FBXL7: variants seen among roughly 807,000 people sequenced by gnomAD.
FBXL7 encodes the protein F-box and leucine rich repeat protein 7, also known as F-box/LRR-repeat protein 7.
FBXL7 carries 12 observed loss-of-function variants against 38.3 expected under a neutral mutation model. That is an observed-to-expected ratio of 0.31 (90% confidence interval 0.20 to 0.51). FBXL7 has a LOEUF of 0.51. Among genes scored for constraint, FBXL7 ranks in the 20% least tolerant of loss-of-function variants. The probability of loss-of-function intolerance (pLI) is 0.98; values close to 1 mark genes in which losing one functional copy is unlikely to be tolerated. For missense variants in FBXL7, 567 were observed against 676.4 expected (o/e 0.84, Z 1.79); for synonymous variants, 297 against 300.9 (o/e 0.99, Z 0.13).
intron 2 of FBXL7, among the ~76,000 whole-genome samples, chr5:15,744,946 A>G (rs900201012): frequency 1.3e-5 from 2 of 152,104 alleles, no homozygotes; most frequent in African/African-American, 4.8e-5. Context: ...CGAGAACAAC[A>G]TGAGGGTAAC....
At chr5:15,717,651 A>G (rs1014579768) in intron 2 of FBXL7, among the ~76,000 whole-genome samples, 37 of 152,178 alleles carry the variant, frequency 2.4e-4, no homozygotes, top group African/African-American at 8.7e-4. Flanking sequence ...TTGAGAGCAA[A>G]TGATTATATA....
chr5:15,842,650 G>GTT (rs1178917382), intron 2 of FBXL7, among the ~76,000 whole-genome samples: 6 of 152,148 alleles, frequency 3.9e-5, no homozygotes, highest in Non-Finnish European at 8.8e-5. Flanking sequence ...GTGGGGCCAG[G>GTT]TGGAGATAAT....
intron 1 of FBXL7, among the ~76,000 whole-genome samples, chr5:15,554,148 A>T (rs1738165657): frequency 6.6e-6 from 1 of 152,162 alleles, no homozygotes; most frequent in Non-Finnish European, 1.5e-5. Flanking sequence ...TGAGGGGGCC[A>T]GAGCCTCCTG....
chr5:15,926,139 T>C (rs186923648), intron 2 of FBXL7, among the ~76,000 whole-genome samples: 4 of 152,164 alleles, frequency 2.6e-5, no homozygotes, highest in East Asian at 3.9e-4. Flanking sequence ...GAAAACCCCA[T>C]AGTAAGCTGG....
intron 1 of FBXL7, among the ~76,000 whole-genome samples, chr5:15,554,111 C>T (rs1328401941): frequency 6.6e-6 from 1 of 152,124 alleles, no homozygotes; most frequent in African/African-American, 2.4e-5. Flanking sequence ...GTGTCCATCC[C>T]AGACCCACTC....
intron 1 of FBXL7, among the ~76,000 whole-genome samples, chr5:15,511,633 T>C (rs576951841): frequency 1.3e-5 from 2 of 152,362 alleles, no homozygotes; most frequent in South Asian, 2.1e-4. Flanking sequence ...ATGATTATTT[T>C]TGTGAAATTG....
intron 1 of FBXL7, among the ~76,000 whole-genome samples, chr5:15,522,357 T>A (rs925323058): frequency 2.6e-5 from 4 of 152,214 alleles, no homozygotes; most frequent in Non-Finnish European, 4.4e-5. Context: ...GTGCCCAGTT[T>A]GGTTTATTTG....
rs548706707 is a variant in FBXL7, at chr5:15,756,608, C to T, written c.127+140536C>T. On this transcript the variant is annotated intron_variant, in intron 2 of 3. Coordinates refer to ENST00000504595, the MANE Select transcript of FBXL7 (RefSeq NM_012304.5). The stretch of plus-strand genomic sequence containing the variant: ...GCAAGTAGTTTAAAGCCATATGATT[C>T]GTTTTTATTAGCTGTGCTGTTCTTA... Among the ~76,000 whole-genome samples, 19 of 152,226 alleles carry T rather than the reference C, an allele frequency of 1.2e-4. 1 individual carries two copies. In the Middle Eastern group the frequency reaches 0.014, roughly 109 times the overall value.
At position 15,555,222 on chromosome 5, in the gene FBXL7, A is replaced by G. The variant is rs147289983; in HGVS notation, c.37+54509A>G. On this transcript the variant is annotated intron_variant, in intron 1 of 3. Coordinates refer to ENST00000504595, the MANE Select transcript of FBXL7 (RefSeq NM_012304.5). Reference sequence around the variant, plus strand: ...CACAGACAGACAGACAGACACACACACCCCCCACAGAACATCCAGTTAAAG... The same window carrying G: ...CACAGACAGACAGACAGACACACACGCCCCCCACAGAACATCCAGTTAAAG... Among the ~76,000 whole-genome samples, 513 of 151,980 alleles carry G rather than the reference A, an allele frequency of 3.4e-3. 1 individual carries two copies. The highest frequency in any genetic ancestry group is 0.012 in the African/African-American group (489 of 41,452).
chr5:15,671,569 C>T (rs1405282063), intron 2 of FBXL7, among the ~76,000 whole-genome samples: 1 of 152,076 alleles, frequency 6.6e-6, no homozygotes, highest in Non-Finnish European at 1.5e-5. Context: ...TGATCTTAGC[C>T]GAAAGGCTGA....
chr5:15,807,262 A>G (rs1414629257), intron 2 of FBXL7, among the ~76,000 whole-genome samples: 1 of 152,126 alleles, frequency 6.6e-6, no homozygotes, highest in Non-Finnish European at 1.5e-5. Flanking sequence ...TCTAAACAGT[A>G]AGTAAGATAT....
chr5:15,711,369 G>A (rs985866305), intron 2 of FBXL7, among the ~76,000 whole-genome samples: 1 of 152,168 alleles, frequency 6.6e-6, no homozygotes, highest in Admixed American at 6.5e-5. Context: ...AAGAAATGAA[G>A]ATACCTCCAT....
intron 1 of FBXL7, among the ~76,000 whole-genome samples, chr5:15,612,252 G>C (rs1028124808): frequency 6.6e-6 from 1 of 152,098 alleles, no homozygotes; most frequent in East Asian, 1.9e-4. Flanking sequence ...AGTTTCCTTG[G>C]AGGGTAAAAT....
chr5:15,642,257 A>G (rs1741390073), intron 2 of FBXL7, among the ~76,000 whole-genome samples: 1 of 152,112 alleles, frequency 6.6e-6, no homozygotes, highest in Admixed American at 6.5e-5. Context: ...ATAACTTCTT[A>G]TGTATTTTTC....
intron 2 of FBXL7, among the ~76,000 whole-genome samples, chr5:15,852,935 G>A (rs958813599): frequency 6.6e-6 from 1 of 152,132 alleles, no homozygotes; most frequent in African/African-American, 2.4e-5. Context: ...TGACATCAAG[G>A]GTGAAGCACA....
At chr5:15,516,476 ATG>A (rs1288186439) in intron 1 of FBXL7, among the ~76,000 whole-genome samples, 1 of 152,104 alleles carries the variant, frequency 6.6e-6, no homozygotes, top group African/African-American at 2.4e-5. Context: ...TGGGATTTTT[ATG>A]TCTTACTTTG....
intron 2 of FBXL7, among the ~76,000 whole-genome samples, chr5:15,769,342 AGT>A (rs1436650956): frequency 6.6e-6 from 1 of 152,194 alleles, no homozygotes; most frequent in Non-Finnish European, 1.5e-5. Flanking sequence ...TGGTATGATG[AGT>A]GTGTGTGTTG....
At chr5:15,793,035 G>A (rs144489278) in intron 2 of FBXL7, among the ~76,000 whole-genome samples, 86 of 152,288 alleles carry the variant, frequency 5.6e-4, no homozygotes, top group Non-Finnish European at 1.0e-3. Flanking sequence ...ACCTTCCTGC[G>A]TGTGCAAGCT....
chr5:15,669,428 G>T (rs934671864), intron 2 of FBXL7, among the ~76,000 whole-genome samples: 2 of 152,152 alleles, frequency 1.3e-5, no homozygotes, highest in African/African-American at 4.8e-5. Flanking sequence ...TCCCAGAGTT[G>T]TGCTGAGCGT....
Sources: gnomAD v4.1 joint callset for allele counts (sites outside exome capture counted in the v4.1 genomes callset) on GRCh38, gnomAD v4.1.1 for gene constraint, MANE v1.5 for transcripts, NCBI Gene and HGNC (gene_info 2026-07-23, HGNC 2026-07-21) for gene names.